RGPD2: variants seen among roughly 807,000 people sequenced by gnomAD.
RGPD2 encodes the protein RANBP2 like and GRIP domain containing 2.
In RGPD2, 2 loss-of-function variants were observed where a neutral mutation model predicts 36.0. The ratio of observed to expected loss-of-function variants is 0.06; its 90% confidence interval spans 0.02 to 0.17. The LOEUF (loss-of-function observed/expected upper bound fraction) is 0.17. Ranked by LOEUF, RGPD2 falls within the 10% of genes least tolerant of loss-of-function variation. The pLI is 1.00. For missense variants in RGPD2, 40 were observed against 464.3 expected (o/e 0.09, Z 8.40); for synonymous variants, 19 against 163.8 (o/e 0.12, Z 6.75).
At chr2:87,941,342 TA>T in the RGPD2 span, among the ~76,000 whole-genome samples, 3,115 of 151,210 alleles carry the variant, frequency 0.021, 184 homozygotes, top group East Asian at 0.12. Flanking sequence ...ATGAAGAAAA[TA>T]ATTCTATCAC....
the RGPD2 span, among the ~76,000 whole-genome samples, chr2:87,935,429 T>C: frequency 6.7e-6 from 1 of 148,690 alleles, no homozygotes; most frequent in Non-Finnish European, 1.5e-5. Flanking sequence ...ATGCTATGGC[T>C]CTATGAACTT....
At chr2:87,845,537 TA>T in the RGPD2 span, among the ~76,000 whole-genome samples, 14 of 149,002 alleles carry the variant, frequency 9.4e-5, no homozygotes, top group Non-Finnish European at 1.9e-4. Context: ...TTTGATTTGC[TA>T]GGGGGGGTTT....
At chr2:87,769,871 T>A (rs1297919617) in intron 22 of RGPD2, among the ~76,000 whole-genome samples, 2 of 152,148 alleles carry the variant, frequency 1.3e-5, no homozygotes, top group Non-Finnish European at 2.9e-5. Flanking sequence ...TTTGTTAGAA[T>A]AAATTAAAGA....
At chr2:87,915,356 ATT>A in the RGPD2 span, among the ~76,000 whole-genome samples, 3 of 133,922 alleles carry the variant, frequency 2.2e-5, 1 homozygote, top group Non-Finnish European at 4.7e-5. Flanking sequence ...TATTATATAT[ATT>A]ATATATATAT....
At chr2:87,852,786 G>A in the RGPD2 span, among the ~76,000 whole-genome samples, 39 of 152,138 alleles carry the variant, frequency 2.6e-4, no homozygotes, top group East Asian at 7.7e-4. Context: ...TATTATGGGC[G>A]TTTTCCCTAA....
the RGPD2 span, among the ~76,000 whole-genome samples, chr2:87,917,214 GA>G: frequency 5.4e-5 from 8 of 149,106 alleles, no homozygotes; most frequent in South Asian, 2.1e-4. Context: ...CAGGAAGTCA[GA>G]AAAAAAATTA....
chr2:87,988,541 A>ATATATATATATATTTTT, the RGPD2 span, among the ~76,000 whole-genome samples: 4 of 54,150 alleles, frequency 7.4e-5, no homozygotes, highest in South Asian at 2.2e-3. Context: ...ATATATATAT[A>ATATATATATATATTTTT]TTTTTTTTTT....
chr2:87,935,378 C>T, the RGPD2 span, among the ~76,000 whole-genome samples: 10 of 150,092 alleles, frequency 6.7e-5, no homozygotes, highest in East Asian at 5.9e-4. Flanking sequence ...TTGGTATCTA[C>T]GAAAGTTGTC....
At chr2:87,789,820 CTT>C in intron 17 of RGPD2, among the ~76,000 whole-genome samples, 1 of 148,388 alleles carries the variant, frequency 6.7e-6, no homozygotes, top group Admixed American at 6.7e-5. Context: ...TAGCTCCTAT[CTT>C]AAAATGAGAG....
the RGPD2 span, among the ~76,000 whole-genome samples, chr2:87,911,427 G>A: frequency 8.7e-4 from 131 of 149,950 alleles, no homozygotes; most frequent in Non-Finnish European, 1.6e-3. Flanking sequence ...TGCATGTACC[G>A]GTTTCTTTTT....
chr2:87,760,585 T>C (rs930522141), intron 22 of RGPD2, among the ~76,000 whole-genome samples: 1 of 7,466 alleles, frequency 1.3e-4, no homozygotes, highest in Non-Finnish European at 3.3e-4. Context: ...TTTCAGTCAC[T>C]GTTGCTTCAA....
At chr2:87,805,443 C>CT (rs1172973722) in intron 7 of RGPD2, among the ~76,000 whole-genome samples, 3 of 113,278 alleles carry the variant, frequency 2.6e-5, no homozygotes, top group Admixed American at 1.0e-4. Flanking sequence ...GTAATGAATC[C>CT]TTTTTTTTCC....
chr2:87,879,284 T>C, the RGPD2 span, among the ~76,000 whole-genome samples: 2 of 152,056 alleles, frequency 1.3e-5, no homozygotes, highest in Non-Finnish European at 2.9e-5. Flanking sequence ...GCATTTATCC[T>C]TTGTGTTAAA....
chr2:87,877,911 G>C, the RGPD2 span, among the ~76,000 whole-genome samples: 1 of 151,028 alleles, frequency 6.6e-6, no homozygotes, highest in African/African-American at 2.4e-5. Context: ...AGTCTGATAG[G>C]CTTCCCCTTT....
the RGPD2 span, among the ~76,000 whole-genome samples, chr2:87,983,860 A>G: frequency 6.6e-6 from 1 of 152,218 alleles, no homozygotes; most frequent in African/African-American, 2.4e-5. Flanking sequence ...GCTGAGGCCA[A>G]TGTGGCTGGG....
At chr2:87,876,969 C>T in the RGPD2 span, among the ~76,000 whole-genome samples, 3 of 152,302 alleles carry the variant, frequency 2.0e-5, no homozygotes, top group South Asian at 6.2e-4. Context: ...CCTTCATTGT[C>T]TTTTTTTTAT....
At chr2:87,846,909 C>A in the RGPD2 span, among the ~76,000 whole-genome samples, 83 of 148,988 alleles carry the variant, frequency 5.6e-4, no homozygotes, top group African/African-American at 2.0e-3. Flanking sequence ...ATAACCATGT[C>A]TTTTGTAACT....
chr2:87,971,946 C>T, the RGPD2 span, among the ~76,000 whole-genome samples: 2 of 151,406 alleles, frequency 1.3e-5, no homozygotes, highest in African/African-American at 4.9e-5. Flanking sequence ...TACCACCTCC[C>T]AGAACCCAAC....
chr2:87,897,092 C>G, the RGPD2 span, among the ~76,000 whole-genome samples: 5 of 152,236 alleles, frequency 3.3e-5, no homozygotes, highest in Non-Finnish European at 5.9e-5. Context: ...CAGGAGTTGC[C>G]TGGCTCCCTT....
Sources: allele counts gnomAD v4.1 joint callset (sites outside exome capture counted in the v4.1 genomes callset), GRCh38; gene constraint gnomAD v4.1.1; transcripts MANE v1.5; gene names NCBI Gene and HGNC (gene_info 2026-07-23, HGNC 2026-07-21).